The following SORCS1 variants were observed in gnomAD, a reference collection of about 807,000 sequenced individuals.
The protein encoded by SORCS1 is VPS10 domain-containing receptor SorCS1.
In SORCS1, 60 loss-of-function variants were observed where a neutral mutation model predicts 146.1. That is an observed-to-expected ratio of 0.41 (90% CI 0.33 to 0.51). The LOEUF (loss-of-function observed/expected upper bound fraction) is 0.51. Among genes scored for constraint, SORCS1 ranks in the 20% least tolerant of loss-of-function variants. The probability of loss-of-function intolerance (pLI) is 0.21; values close to 1 mark genes in which losing one functional copy is unlikely to be tolerated. For missense variants in SORCS1, 1,352 were observed against 1,487.6 expected (o/e 0.91, Z 1.50); for synonymous variants, 637 against 584.0 (o/e 1.09, Z -1.31).
chr10:106,928,358 C>G (rs1337260778), intron 2 of SORCS1, among the ~76,000 whole-genome samples: 2 of 152,240 alleles, frequency 1.3e-5, no homozygotes, highest in Admixed American at 6.5e-5. Context: ...TGCTAAGCCC[C>G]TCATTGCCAG....
chr10:106,585,178 C>T (rs1351331970), intron 24 of SORCS1, among the ~76,000 whole-genome samples: 5 of 150,652 alleles, frequency 3.3e-5, no homozygotes, highest in East Asian at 2.0e-4. Flanking sequence ...GAGCCAAGAT[C>T]GTGCCACTGT....
intron 15 of SORCS1, among the ~76,000 whole-genome samples, chr10:106,672,664 C>T (rs1308224959): frequency 1.3e-5 from 2 of 152,138 alleles, no homozygotes; most frequent in East Asian, 1.9e-4. Flanking sequence ...TCATTATATC[C>T]TAGCACAATA....
At chr10:107,138,853 T>G (rs538927306) in intron 1 of SORCS1, among the ~76,000 whole-genome samples, 23 of 152,322 alleles carry the variant, frequency 1.5e-4, no homozygotes, top group African/African-American at 4.8e-4. Context: ...CACTGCAGAC[T>G]GACCCCCACG....
intron 9 of SORCS1, among the ~76,000 whole-genome samples, chr10:106,696,406 G>C (rs1853707314): frequency 6.6e-6 from 1 of 152,210 alleles, no homozygotes; most frequent in African/African-American, 2.4e-5. Context: ...CAGGCTCTGT[G>C]TCAGCCAATA....
intron 1 of SORCS1, among the ~76,000 whole-genome samples, chr10:107,026,384 C>A (rs1269920373): frequency 6.6e-6 from 1 of 152,092 alleles, no homozygotes; most frequent in Non-Finnish European, 1.5e-5. Flanking sequence ...CTTTGGGAGG[C>A]TGAGGCAGGC....
chr10:106,801,398 T>C (rs1946864729), intron 3 of SORCS1, among the ~76,000 whole-genome samples: 1 of 151,952 alleles, frequency 6.6e-6, no homozygotes, highest in African/African-American at 2.4e-5. Flanking sequence ...TACTAATTTA[T>C]AAAACATCAC....
intron 19 of SORCS1, among the ~76,000 whole-genome samples, chr10:106,621,374 T>TC (rs1182927465): frequency 6.6e-6 from 1 of 151,972 alleles, no homozygotes; most frequent in Non-Finnish European, 1.5e-5. Flanking sequence ...GCCATCCCCA[T>TC]CTTTGTCCCA....
chr10:106,671,367 C>T lies in SORCS1; in HGVS notation c.2059G>A (p.Gly687Arg). ...DYRPWQLHSQGEACIMGAKRI... is the reference protein window; with the variant it reads ...DYRPWQLHSQREACIMGAKRI... ...TTTGCTCCCATGATACATGCTTCCC[C>T]CTGTAAGCAGAGAAGGATCACAGAT... The change falls in exon 16 of 26, where the codon GGG becomes AGG. Residue 687 changes from glycine (G) to arginine (R), a missense_variant and splice_region_variant. Around this residue, in one of 3 missense-constraint regions of SORCS1, gnomAD observed 648 missense variants for 793.8 expected, o/e 0.82. Coordinates refer to ENST00000263054, the MANE Select transcript of SORCS1 (RefSeq NM_052918.5). 6.2e-7 allele frequency: 1 copy of T among 1,614,024 alleles called. No homozygotes were observed. The highest frequency in any genetic ancestry group is 8.5e-7 in the Non-Finnish European group (1 of 1,179,950).
intron 2 of SORCS1, among the ~76,000 whole-genome samples, chr10:106,861,579 T>C (rs1461184196): frequency 6.6e-6 from 1 of 152,012 alleles, no homozygotes; most frequent in Non-Finnish European, 1.5e-5. Flanking sequence ...CTTGATCCCT[T>C]AAATTTAAAA....
chr10:106,744,657 T>G (rs949732192), intron 5 of SORCS1, among the ~76,000 whole-genome samples: 5 of 152,214 alleles, frequency 3.3e-5, no homozygotes, highest in Non-Finnish European at 7.3e-5. Flanking sequence ...ATTCTTTGTT[T>G]TGGGAATTAA....
intron 1 of SORCS1, among the ~76,000 whole-genome samples, chr10:107,096,710 C>T (rs1208542538): frequency 1.3e-5 from 2 of 152,082 alleles, no homozygotes; most frequent in Non-Finnish European, 2.9e-5. Context: ...CAGGGTTTCA[C>T]CATTTTGGCC....
chr10:106,765,806 C>A (rs1859524358), intron 4 of SORCS1, among the ~76,000 whole-genome samples: 1 of 151,744 alleles, frequency 6.6e-6, no homozygotes, highest in Non-Finnish European at 1.5e-5. Context: ...TGTGGTGATC[C>A]ACAAGCTTGC....
rs773227934 is a variant in SORCS1, at chr10:106,677,383, C to G, written c.1762G>C (p.Val588Leu). 1 of 1,613,968 alleles carries G rather than the reference C, an allele frequency of 6.2e-7. No homozygotes were observed. The highest frequency in any genetic ancestry group is 1.7e-5 in the Admixed American group (1 of 60,008). Reference sequence around the variant, plus strand: ...ACTCCACCTTGATCCAGGTACAAAACACTGTGCTCTTCTTCAAAGATCTGG... The same window carrying G: ...ACTCCACCTTGATCCAGGTACAAAAGACTGTGCTCTTCTTCAAAGATCTGG... ...WRQIFEEEHSVLYLDQGGVLV... is the reference protein window; with the variant it reads ...WRQIFEEEHSLLYLDQGGVLV... Residue 588 changes from valine (V) to leucine (L), a missense_variant, in exon 13 of 26, where the codon GTT (valine) becomes CTT (leucine). Around this residue, in one of 3 missense-constraint regions of SORCS1, gnomAD observed 648 missense variants for 793.8 expected, o/e 0.82. Transcript: ENST00000263054.
At position 106,978,997 on chromosome 10, in the gene SORCS1, C is replaced by T. The variant is rs574013913; in HGVS notation, c.559-22417G>A. On this transcript the variant is annotated intron_variant, in intron 1 of 25. Coordinates refer to ENST00000263054, the MANE Select transcript of SORCS1 (RefSeq NM_052918.5). ...GATTTGTCTCTCAGGCTGTAGTTTG[C>T]CAACTCCTGGTCTAGAGACATAAGT... Among the ~76,000 whole-genome samples the T allele has an allele frequency of 1.3e-4, 20 of 152,140 alleles. No homozygotes were observed. The South Asian group carries it at 4.2e-3, about 32-fold the overall frequency.
chr10:106,685,988 T>C (rs1038713099), intron 10 of SORCS1, among the ~76,000 whole-genome samples: 1 of 152,184 alleles, frequency 6.6e-6, no homozygotes, highest in Admixed American at 6.5e-5. Flanking sequence ...TTCAGGGCAA[T>C]GGAAATGTTG....
At chr10:106,816,658 T>C (rs1408073471) in intron 3 of SORCS1, among the ~76,000 whole-genome samples, 3 of 152,230 alleles carry the variant, frequency 2.0e-5, no homozygotes, top group Non-Finnish European at 2.9e-5. Flanking sequence ...CAAAAGGTCA[T>C]TTAATTGAAA....
chr10:106,746,166 G>C (rs1857729490), intron 5 of SORCS1, among the ~76,000 whole-genome samples: 1 of 152,094 alleles, frequency 6.6e-6, no homozygotes, highest in Non-Finnish European at 1.5e-5. Flanking sequence ...AAAAGCGGGG[G>C]ATATTAGTAG....
At chr10:106,935,719 C>T (rs2138656393) in intron 2 of SORCS1, among the ~76,000 whole-genome samples, 1 of 152,106 alleles carries the variant, frequency 6.6e-6, no homozygotes, top group Admixed American at 6.5e-5. Flanking sequence ...AACAATTTGC[C>T]CAAGATCACA....
At chr10:107,006,783 T>C (rs964413259) in intron 1 of SORCS1, among the ~76,000 whole-genome samples, 5 of 152,166 alleles carry the variant, frequency 3.3e-5, no homozygotes, top group African/African-American at 4.8e-5. Context: ...TGCCACTGCA[T>C]TCCAGCCTGG....
Sources: gnomAD v4.1 joint callset for allele counts (sites outside exome capture counted in the v4.1 genomes callset) on GRCh38, gnomAD v4.1.1 for gene constraint, gnomAD v4.1.1 regional missense constraint, MANE v1.5 for transcripts, NCBI Gene and HGNC (gene_info 2026-07-23, HGNC 2026-07-21) for gene names.